The following RAI14 variants were observed in gnomAD, a reference collection of about 807,000 sequenced individuals.
RAI14 encodes the protein retinoic acid induced 14.
Under a neutral mutation model 115.4 loss-of-function variants are expected in RAI14, and 45 were observed. That is an observed-to-expected ratio of 0.39 (90% CI 0.31 to 0.50). RAI14 has a LOEUF of 0.50. RAI14 is among the 20% of genes least tolerant of loss of function. The pLI, the probability that RAI14 is intolerant of heterozygous loss-of-function variation, is 0.85. For synonymous variants in RAI14, 371 were observed against 415.4 expected, an observed-to-expected ratio of 0.89 and a Z score of 1.30; for missense variants, 939 against 1,131.2, an observed-to-expected ratio of 0.83 and a Z score of 2.44.
At chr5:34,723,467 C>T (rs375681863) in intron 2 of RAI14, among the ~76,000 whole-genome samples, 5 of 152,152 alleles carry the variant, frequency 3.3e-5, no homozygotes, top group Non-Finnish European at 5.9e-5. Context: ...ATGAAGCCCA[C>T]GTACATTATG....
chr5:34,669,640 G>A (rs1379211018), intron 1 of RAI14, among the ~76,000 whole-genome samples: 1 of 152,104 alleles, frequency 6.6e-6, no homozygotes, highest in African/African-American at 2.4e-5. Context: ...TGTCTCACTG[G>A]GTGATGTTTT....
At chr5:34,774,762 A>T (rs1750634616) in intron 3 of RAI14, among the ~76,000 whole-genome samples, 1 of 151,984 alleles carries the variant, frequency 6.6e-6, no homozygotes, top group Non-Finnish European at 1.5e-5. Context: ...AATAGAAAAA[A>T]AAAAAACCTA....
intron 1 of RAI14, among the ~76,000 whole-genome samples, chr5:34,671,019 T>C (rs1261664214): frequency 6.6e-6 from 1 of 152,228 alleles, no homozygotes; most frequent in Non-Finnish European, 1.5e-5. Flanking sequence ...TTTTTGTTTT[T>C]TTGGTTTTCA....
At position 34,665,185 on chromosome 5, in the gene RAI14, ATATG is replaced by A. The variant is rs1193076605; in HGVS notation, c.-49+8714_-49+8717del. Among the ~76,000 whole-genome samples, 16 of 45,786 alleles carry A rather than the reference ATATG, an allele frequency of 3.5e-4. 2 individuals carry two copies. Among genetic ancestry groups the A allele is most frequent in the African/African-American group, 1.2e-3 (12 of 10,240 alleles). 30.0% of individuals were successfully genotyped at this position (45,786 alleles called of 152,430 possible). A position where few individuals can be genotyped will look rare whatever the true frequency, so the allele number is the denominator to read the frequency against. On this transcript the variant is annotated intron_variant, in intron 1 of 17. Coordinates refer to ENST00000265109, the MANE Select transcript of RAI14 (RefSeq NM_015577.3). ...TATATATATATATACACACATATAT[ATATG>A]TATATATATACACACACCACAGTTT... is the stretch of plus-strand genomic sequence containing the variant.
chr5:34,744,153 G>C (rs1745879064), intron 2 of RAI14, among the ~76,000 whole-genome samples: 2 of 152,184 alleles, frequency 1.3e-5, no homozygotes, highest in African/African-American at 2.4e-5. Flanking sequence ...TTGGATAATA[G>C]CCAGACCTGT....
intron 2 of RAI14, among the ~76,000 whole-genome samples, chr5:34,752,699 ATATATGTGTGTG>A (rs1747201721): frequency 1.9e-5 from 1 of 51,386 alleles, no homozygotes; most frequent in Non-Finnish European, 3.6e-5. Context: ...TATTTCTTAC[ATATATGTGTGTG>A]TGTGTGTGTG....
chr5:34,784,905 AT>A (rs1421000529), intron 3 of RAI14, among the ~76,000 whole-genome samples: 1 of 152,198 alleles, frequency 6.6e-6, no homozygotes, highest in Non-Finnish European at 1.5e-5. Flanking sequence ...TCCCCTAGTA[AT>A]TTTTGAAAGT....
intron 12 of RAI14, among the ~76,000 whole-genome samples, chr5:34,816,911 A>G (rs1756298164): frequency 6.6e-6 from 1 of 151,894 alleles, no homozygotes; most frequent in Non-Finnish European, 1.5e-5. Context: ...TTCTGAAAAA[A>G]CAACAACAAA....
intron 3 of RAI14, among the ~76,000 whole-genome samples, chr5:34,765,658 G>A (rs1335544826): frequency 6.6e-6 from 1 of 152,198 alleles, no homozygotes; most frequent in African/African-American, 2.4e-5. Flanking sequence ...TAAAAGTTTG[G>A]AAAATTTGCA....
At chr5:34,698,047 T>C (rs1217364125) in intron 2 of RAI14, among the ~76,000 whole-genome samples, 1 of 137,924 alleles carries the variant, frequency 7.3e-6, no homozygotes, top group African/African-American at 2.8e-5. Context: ...AAAGCCTCCC[T>C]TCCCCACCCC....
In RAI14 at chr5:34,694,845, G is replaced by C. The variant is rs1233227767; in HGVS notation, c.36+7890G>C. ...CTTTTCAGATTTAGGCTATGGTTTTGGAAGGGGTTTTGATGAGATTCAATG... is the reference window on the plus strand; with the variant it reads ...CTTTTCAGATTTAGGCTATGGTTTTCGAAGGGGTTTTGATGAGATTCAATG... On this transcript the variant is annotated intron_variant, in intron 2 of 17. Coordinates refer to ENST00000265109, the MANE Select transcript of RAI14 (RefSeq NM_015577.3). Among the ~76,000 whole-genome samples the C allele has an allele frequency of 2.0e-5, 3 of 152,284 alleles. No homozygotes were observed. In the East Asian group the frequency reaches 5.8e-4, roughly 29 times the overall value.
chr5:34,718,389 A>C (rs961665179), intron 2 of RAI14, among the ~76,000 whole-genome samples: 14 of 152,270 alleles, frequency 9.2e-5, no homozygotes, highest in African/African-American at 3.4e-4. Context: ...ACAGATCTTT[A>C]AGAACTTTTA....
At chr5:34,728,526 C>T (rs1345221862) in intron 2 of RAI14, 2 of 152,102 alleles carry the variant, frequency 1.3e-5, no homozygotes, top group Non-Finnish European at 2.9e-5. Context: ...GAATAAGTCA[C>T]ACAAGATCTC....
At chr5:34,777,058 C>T (rs1219662741) in intron 3 of RAI14, among the ~76,000 whole-genome samples, 1 of 151,668 alleles carries the variant, frequency 6.6e-6, no homozygotes, top group Admixed American at 6.6e-5. Flanking sequence ...GTAATACCAG[C>T]AGGAGGCTGA....
At position 34,758,738 on chromosome 5, in the gene RAI14, T is replaced by G. The variant is rs868301655; in HGVS notation, c.167+1140T>G. Among the ~76,000 whole-genome samples, 7 of 152,328 alleles carry G rather than the reference T, an allele frequency of 4.6e-5. No individual in the cohort carries two copies. In the South Asian group the frequency reaches 1.0e-3, roughly 23 times the overall value. ...TCTGATTTTATAAATAAAGTTTTAT[T>G]GAAACACAGCCATACCCATTCATTT... On this transcript the variant is annotated intron_variant, in intron 3 of 17. Transcript: ENST00000265109.
At position 34,832,219 on chromosome 5, in the gene RAI14, G is replaced by A. The variant is rs1486286154; in HGVS notation, c.*1454G>A. The A allele has an allele frequency of 6.6e-6, 1 of 152,640 alleles. No individual in the cohort carries two copies. Among genetic ancestry groups the A allele is most frequent in the African/African-American group, 2.4e-5 (1 of 41,438 alleles). 9.5% of individuals were successfully genotyped at this position (152,640 alleles called of 1,614,324 possible). A position where few individuals can be genotyped will look rare whatever the true frequency, so the allele number is the denominator to read the frequency against. ...TTGGCCTCAGTGGGTGCTTGGCTGT[G>A]CTGGATGATATGTTGATCTGTATTG... On this transcript the variant is annotated 3_prime_UTR_variant, in exon 18 of 18. Transcript: ENST00000265109.
chr5:34,796,020 T>C lies in RAI14; in HGVS notation c.249T>C (p.Asp83=), dbSNP rs1490402901. ...ITHGVDVTAQ[D]TTGHSALHLA... The stretch of plus-strand genomic sequence containing the variant: ...ATGGTGTGGATGTGACAGCCCAAGA[T>C]ACTACCGGTATGTGGTTTTTAGTCT... Residue 83 remains aspartate, a synonymous_variant, in exon 4 of 18, where the codon GAT becomes GAC. Coordinates refer to ENST00000265109, the MANE Select transcript of RAI14 (RefSeq NM_015577.3). 4 of 1,609,034 alleles carry C rather than the reference T, an allele frequency of 2.5e-6. No individual in the cohort carries two copies. Among genetic ancestry groups the C allele is most frequent in the South Asian group, 2.2e-5 (2 of 90,864 alleles).
At chr5:34,799,565 A>C (rs1753997956) in intron 4 of RAI14, among the ~76,000 whole-genome samples, 1 of 150,052 alleles carries the variant, frequency 6.7e-6, no homozygotes. Context: ...AATCTATTAC[A>C]CTGGCTCTTT....
intron 3 of RAI14, among the ~76,000 whole-genome samples, chr5:34,769,991 A>G (rs1580196412): frequency 6.6e-6 from 1 of 152,276 alleles, no homozygotes; most frequent in Admixed American, 6.5e-5. Context: ...GGCCTCCCCA[A>G]GTGCTAGGAT....
Sources: allele counts gnomAD v4.1 joint callset (sites outside exome capture counted in the v4.1 genomes callset), GRCh38; gene constraint gnomAD v4.1.1; transcripts MANE v1.5; gene names NCBI Gene and HGNC (gene_info 2026-07-23, HGNC 2026-07-21).